The following OSER1 variants were observed in gnomAD, a reference collection of about 807,000 sequenced individuals.
OSER1 encodes oxidative stress responsive serine rich 1, also known as oxidative stress-responsive serine-rich protein 1.
OSER1 carries 15 observed loss-of-function variants against 26.3 expected under a neutral mutation model. The ratio of observed to expected loss-of-function variants is 0.57; its 90% CI spans 0.38 to 0.88. The LOEUF (loss-of-function observed/expected upper bound fraction) is 0.88. Among genes scored for constraint, OSER1 ranks in the 40% least tolerant of loss-of-function variants. The pLI is 0.00. For missense variants in OSER1, 313 were observed against 353.9 expected (o/e 0.88, Z 0.93); for synonymous variants, 127 against 128.2 (o/e 0.99, Z 0.07).
intron 2 of OSER1, among the ~76,000 whole-genome samples, chr20:44,204,447 T>C (rs1025072175): frequency 1.3e-5 from 2 of 152,224 alleles, no homozygotes; most frequent in African/African-American, 4.8e-5. Flanking sequence ...TCCCTTCTTA[T>C]AATTTTACTC....
chr20:44,207,067 GT>G (rs1284990389), intron 1 of OSER1, 69 bp from the exon 2 acceptor site: 1 of 709,612 alleles, frequency 1.4e-6, no homozygotes, highest in Non-Finnish European at 2.3e-6. Context: ...TACCATTACT[GT>G]TAGAAAAAAA....
chr20:44,207,071 G>T, intron 1 of OSER1, 73 bp from the exon 2 acceptor site: 1 of 632,420 alleles, frequency 1.6e-6, no homozygotes. Flanking sequence ...ATTACTGTTA[G>T]AAAAAAAAAG....
At chr20:44,209,341 A>G (rs1195420084) in intron 1 of OSER1, among the ~76,000 whole-genome samples, 1 of 152,208 alleles carries the variant, frequency 6.6e-6, no homozygotes, top group African/African-American at 2.4e-5. Context: ...CAGTTATTTT[A>G]GCCAAGAGCA....
At chr20:44,205,568 T>C (rs1396863045) in intron 2 of OSER1, among the ~76,000 whole-genome samples, 1 of 152,190 alleles carries the variant, frequency 6.6e-6, no homozygotes, top group Admixed American at 6.5e-5. Context: ...ACAACTAACA[T>C]CTAGTTTTCA....
intron 3 of OSER1, among the ~76,000 whole-genome samples, chr20:44,202,731 T>G (rs1299902483): frequency 6.6e-6 from 1 of 152,044 alleles, no homozygotes; most frequent in Non-Finnish European, 1.5e-5. Context: ...CAAGAATAAT[T>G]AGAGAAGTCC....
intron 2 of OSER1, among the ~76,000 whole-genome samples, chr20:44,205,144 T>A (rs1053806561): frequency 2.6e-5 from 4 of 152,234 alleles, no homozygotes; most frequent in African/African-American, 9.6e-5. Context: ...CTGGCTTTAT[T>A]TTACATTTCA....
chr20:44,203,006 T>C lies in OSER1; in HGVS notation c.146A>G (p.Asp49Gly). The C allele has an allele frequency of 6.8e-6, 11 of 1,613,576 alleles. No individual in the cohort carries two copies. The highest frequency in any genetic ancestry group is 1.1e-5 in the South Asian group (1 of 91,080). ...VRAPVRTATD[D>G]TKPKTTCASK... ...TGCACATGTGGTTTTAGGTTTGGTA[T>C]CATCTGTTGCTGTTCTGACTGGTGC... The change falls in exon 3 of 4, where the codon GAT (aspartate) becomes GGT (glycine). Residue 49 changes from aspartate (D) to glycine (G), a missense_variant. Physicochemically the swap from Asp to Gly is moderately conservative, Grantham distance 94. This residue lies in a region of OSER1 where 300 missense variants were observed against 318.3 expected (regional missense o/e 0.94). Coordinates refer to ENST00000255174, the MANE Select transcript of OSER1 (RefSeq NM_016470.8).
At chr20:44,207,777 C>T (rs1380440457) in intron 1 of OSER1, among the ~76,000 whole-genome samples, 1 of 152,062 alleles carries the variant, frequency 6.6e-6, no homozygotes, top group Non-Finnish European at 1.5e-5. Context: ...TGTAGACGCA[C>T]CACTAAATGA....
At chr20:44,197,853 A>T in intron 3 of OSER1, 114 bp from the exon 4 acceptor site, 1 of 660,050 alleles carries the variant, frequency 1.5e-6, no homozygotes, top group Non-Finnish European at 2.5e-6. Context: ...CTAAGCTCAT[A>T]AATTTCCTGC....
At chr20:44,205,762 A>G (rs2073031158) in intron 2 of OSER1, among the ~76,000 whole-genome samples, 1 of 152,008 alleles carries the variant, frequency 6.6e-6, no homozygotes, top group Admixed American at 6.6e-5. Context: ...AACACAGTGA[A>G]ACCCCGTCTC....
At chr20:44,202,674 A>G (rs917410375) in intron 3 of OSER1, among the ~76,000 whole-genome samples, 3 of 152,234 alleles carry the variant, frequency 2.0e-5, no homozygotes, top group Admixed American at 6.5e-5. Flanking sequence ...ATTGAAAAAA[A>G]GGTTCCAATA....
intron 1 of OSER1, among the ~76,000 whole-genome samples, chr20:44,207,964 C>T (rs774340765): frequency 1.3e-5 from 2 of 152,030 alleles, no homozygotes; most frequent in South Asian, 4.1e-4. Flanking sequence ...GTTATTAGTA[C>T]CAAATTTTGA....
chr20:44,197,042 C>T lies in OSER1; in HGVS notation c.*10G>A. On this transcript the variant is annotated 3_prime_UTR_variant, in exon 4 of 4. Transcript: ENST00000255174. ...CATTGGTTTAAAGCATATGAATTAG[C>T]TTCTTGCTATCAGGTGTACATCATT... 6.3e-7 allele frequency: 1 copy of T among 1,583,182 alleles called. No individual in the cohort carries two copies. Among genetic ancestry groups the T allele is most frequent in the Non-Finnish European group, 8.7e-7 (1 of 1,153,006 alleles).
chr20:44,203,694 T>TCACACA (rs139060435), intron 2 of OSER1, among the ~76,000 whole-genome samples: 10,413 of 145,270 alleles, frequency 0.072, 427 homozygotes, highest in African/African-American at 0.087. Flanking sequence ...CAGACTTTTT[T>TCACACA]CACACACACA....
chr20:44,207,572 CA>C, intron 1 of OSER1: 1 of 152,324 alleles, frequency 6.6e-6, no homozygotes, highest in South Asian at 2.1e-4. Context: ...TTGATACTTC[CA>C]TTTGTGTTTT....
At chr20:44,208,338 A>C (rs1288944703) in intron 1 of OSER1, among the ~76,000 whole-genome samples, 2 of 151,392 alleles carry the variant, frequency 1.3e-5, no homozygotes, top group Non-Finnish European at 2.9e-5. Flanking sequence ...AGGACTTTTC[A>C]CTTTACTTAT....
intron 2 of OSER1, among the ~76,000 whole-genome samples, chr20:44,203,905 T>C (rs2073013122): frequency 6.6e-6 from 1 of 152,196 alleles, no homozygotes; most frequent in Non-Finnish European, 1.5e-5. Context: ...CATATCTATA[T>C]GGCAAAATGT....
intron 1 of OSER1, among the ~76,000 whole-genome samples, chr20:44,208,500 G>A (rs1309280941): frequency 4.0e-5 from 6 of 150,872 alleles, no homozygotes; most frequent in Non-Finnish European, 5.9e-5. Flanking sequence ...CATTCTCGAC[G>A]TATATTTTGC....
intron 2 of OSER1, among the ~76,000 whole-genome samples, chr20:44,205,668 C>T (rs1200694525): frequency 6.6e-6 from 1 of 151,924 alleles, no homozygotes; most frequent in Non-Finnish European, 1.5e-5. Context: ...GGGCCAGACG[C>T]AGTGGCTCTC....
Sources: allele counts gnomAD v4.1 joint callset (sites outside exome capture counted in the v4.1 genomes callset), GRCh38; gene constraint gnomAD v4.1.1; regional missense constraint gnomAD v4.1.1; transcripts MANE v1.5; gene names NCBI Gene and HGNC (gene_info 2026-07-23, HGNC 2026-07-21).